The following ACSM6 variants were observed in gnomAD, a reference collection of about 807,000 sequenced individuals.
The protein encoded by ACSM6 is acyl-CoA synthetase medium chain family member 6, also known as acyl-coenzyme A synthetase ACSM6, mitochondrial.
Under a neutral mutation model 51.1 loss-of-function variants are expected in ACSM6, and 35 were observed. The observed-to-expected ratio is 0.69, with a 90% CI of 0.52 to 0.91. ACSM6 has a LOEUF of 0.91. Ranked by LOEUF, ACSM6 falls within the 40% of genes least tolerant of loss-of-function variation. The pLI, the probability that ACSM6 is intolerant of heterozygous loss-of-function variation, is 0.00. For synonymous variants in ACSM6, 172 were observed against 207.3 expected (o/e 0.83, Z 1.46); for missense variants, 509 against 584.1 (o/e 0.87, Z 1.32).
At chr10:95,226,676 C>A (rs1435131808) in intron 10 of ACSM6, among the ~76,000 whole-genome samples, 2 of 152,180 alleles carry the variant, frequency 1.3e-5, no homozygotes, top group East Asian at 3.8e-4. Context: ...GATGAGCAGT[C>A]CATTTTATCT....
intron 3 of ACSM6, among the ~76,000 whole-genome samples, chr10:95,206,059 T>C (rs2034836292): frequency 6.6e-6 from 1 of 152,188 alleles, no homozygotes; most frequent in Non-Finnish European, 1.5e-5. Context: ...TACAAATCCA[T>C]GGTTTTTAGA....
intron 7 of ACSM6, 35 bp downstream of exon 7, chr10:95,212,975 C>T: frequency 1.3e-6 from 2 of 1,522,314 alleles, no homozygotes; most frequent in Non-Finnish European, 1.8e-6. Flanking sequence ...AGTCCATTTC[C>T]ACTCATGGTA....
chr10:95,197,678 C>T (rs28831527), intron 2 of ACSM6, among the ~76,000 whole-genome samples: 2,865 of 152,236 alleles, frequency 0.019, 83 homozygotes, highest in African/African-American at 0.062. Context: ...CCGAGACATT[C>T]AGTTCCCAGG....
chr10:95,214,607 T>C (rs1437359992), intron 7 of ACSM6, among the ~76,000 whole-genome samples: 1 of 152,182 alleles, frequency 6.6e-6, no homozygotes, highest in East Asian at 1.9e-4. Flanking sequence ...TTAGCACTGG[T>C]TGATTTGCTT....
At chr10:95,204,199 T>C (rs2034820274) in intron 3 of ACSM6, among the ~76,000 whole-genome samples, 1 of 152,176 alleles carries the variant, frequency 6.6e-6, no homozygotes, top group Non-Finnish European at 1.5e-5. Context: ...TGCTTATTGA[T>C]GGTATAAGGC....
chr10:95,217,081 G>A lies in ACSM6; in HGVS notation c.1119+2106G>A, dbSNP rs560691393. 2.0e-5 allele frequency among the ~76,000 whole-genome samples: 3 copies of A among 152,326 alleles called. No homozygotes were observed. In the East Asian group the frequency reaches 5.8e-4, roughly 29 times the overall value. On this transcript the variant is annotated intron_variant, in intron 8 of 10. Coordinates refer to ENST00000341686, the Ensembl canonical transcript of ACSM6. ...AATAGAGAAGTGGGCCAGGAGCAGT[G>A]GCTCACGCCTGTAATCCCAGCACTT...
At chr10:95,224,951 G>A (rs1271917979) in intron 9 of ACSM6, among the ~76,000 whole-genome samples, 1 of 152,138 alleles carries the variant, frequency 6.6e-6, no homozygotes, top group Non-Finnish European at 1.5e-5. Flanking sequence ...TACCTGTATT[G>A]TCTTATTTCA....
chr10:95,200,437 T>G (rs1234240106), intron 2 of ACSM6, among the ~76,000 whole-genome samples: 2 of 151,288 alleles, frequency 1.3e-5, no homozygotes, highest in Admixed American at 1.3e-4. Flanking sequence ...ACATGGCACA[T>G]GTATACACAT....
intron 9 of ACSM6, 131 bp from the exon 10 acceptor site, chr10:95,225,159 A>C (rs1051630555): frequency 1.4e-4 from 92 of 681,094 alleles, no homozygotes; most frequent in Non-Finnish European, 2.2e-4. Context: ...CCAGTATCTA[A>C]GTACACCAAC....
rs10572248 is a variant in ACSM6 at position 95,223,159 on chromosome 10, G to GACACACAC, written c.1201-2106_1201-2099dup. 5.1e-4 allele frequency among the ~76,000 whole-genome samples: 75 copies of GACACACAC among 146,898 alleles called. 1 individual carries two copies. In the South Asian group the frequency reaches 8.0e-3, roughly 16 times the overall value. On this transcript the variant is annotated intron_variant, in intron 9 of 10. Transcript: ENST00000341686. Reference sequence around the variant, plus strand: ...CCTATCCAAAACACGCACACATACAGACACACACACACACACACACACACA... The same window carrying GACACACAC: ...CCTATCCAAAACACGCACACATACAGACACACACACACACACACACACACACACACACA...
chr10:95,215,061 A>G, intron 8 of ACSM6, 86 bp downstream of exon 8: 2 of 1,447,446 alleles, frequency 1.4e-6, no homozygotes, highest in East Asian at 2.5e-5. Context: ...CTAAGCACGC[A>G]CTAGAAATGC....
At chr10:95,199,829 G>A (rs1157472071) in intron 2 of ACSM6, among the ~76,000 whole-genome samples, 2 of 152,156 alleles carry the variant, frequency 1.3e-5, no homozygotes, top group African/African-American at 4.8e-5. Flanking sequence ...TTAGAATGGT[G>A]ATCATTAAAA....
chr10:95,221,416 G>A (rs771583489), intron 9 of ACSM6, among the ~76,000 whole-genome samples: 13 of 151,992 alleles, frequency 8.6e-5, no homozygotes, highest in African/African-American at 1.9e-4. Context: ...GTGAAACCCC[G>A]TCTTTACAAA....
chr10:95,198,305 G>T (rs1589489562), intron 2 of ACSM6, among the ~76,000 whole-genome samples: 1 of 152,144 alleles, frequency 6.6e-6, no homozygotes, highest in Non-Finnish European at 1.5e-5. Context: ...AGGTGCTTGA[G>T]TGATGTGAGC....
chr10:95,228,588 C>G, intron 10 of ACSM6, 56 bp from the exon 11 acceptor site: 1 of 1,520,404 alleles, frequency 6.6e-7, no homozygotes, highest in Non-Finnish European at 8.8e-7. Context: ...ATTCATATCA[C>G]TAAATGATTG....
At chr10:95,201,915 G>C in intron 2 of ACSM6, 70 bp from the exon 3 acceptor site, 2 of 1,359,678 alleles carry the variant, frequency 1.5e-6, no homozygotes, top group Non-Finnish European at 2.1e-6. Flanking sequence ...GTGCTGTCTG[G>C]CAACAGTGGC....
At chr10:95,216,439 A>G (rs865803355) in intron 8 of ACSM6, among the ~76,000 whole-genome samples, 1 of 152,212 alleles carries the variant, frequency 6.6e-6, no homozygotes, top group Non-Finnish European at 1.5e-5. Flanking sequence ...CTGATCATTC[A>G]TATGGCTGCA....
chr10:95,209,748 A>G (rs1335234345), intron 4 of ACSM6, among the ~76,000 whole-genome samples: 1 of 151,992 alleles, frequency 6.6e-6, no homozygotes, highest in African/African-American at 2.4e-5. Flanking sequence ...TATTTATTTT[A>G]TATATTTATG....
chr10:95,196,760 A>AATAAT (rs1273406525), intron 2 of ACSM6, among the ~76,000 whole-genome samples: 1 of 152,254 alleles, frequency 6.6e-6, no homozygotes, highest in Admixed American at 6.5e-5. Context: ...GCACTGTAGA[A>AATAAT]ATAATATAAT....
Sources: gnomAD v4.1 joint callset for allele counts (sites outside exome capture counted in the v4.1 genomes callset) on GRCh38, gnomAD v4.1.1 for gene constraint, MANE v1.5 for transcripts, NCBI Gene and HGNC (gene_info 2026-07-23, HGNC 2026-07-21) for gene names.